Variants in ZNF292 observed in about 807,000 individuals in gnomAD.
The protein encoded by ZNF292 is zinc finger protein 292, also known as 16 zinc-finger domain protein.
A neutral mutation model predicts 217.9 loss-of-function variants in ZNF292; 26 were observed. The observed-to-expected ratio is 0.12, with a 90% CI of 0.09 to 0.17. The LOEUF is 0.17. Among genes scored for constraint, ZNF292 ranks in the 10% least tolerant of loss-of-function variants. ZNF292 has a pLI of 1.00. For synonymous variants in ZNF292, 1,257 were observed against 1,124.1 expected, an observed-to-expected ratio of 1.12 and a Z score of -2.37; for missense variants, 2,904 against 3,175.2, an observed-to-expected ratio of 0.91 and a Z score of 2.05.
intron 7 of ZNF292, among the ~76,000 whole-genome samples, chr6:87,246,255 A>C (rs1198648761): frequency 6.6e-6 from 1 of 152,238 alleles, no homozygotes; most frequent in Non-Finnish European, 1.5e-5. Context: ...ACGAACAAAA[A>C]AAGAAATTTT....
At chr6:87,184,894 G>T (rs1179641163) in intron 1 of ZNF292, among the ~76,000 whole-genome samples, 1 of 152,174 alleles carries the variant, frequency 6.6e-6, no homozygotes, top group African/African-American at 2.4e-5. Flanking sequence ...GAAAAGTCTT[G>T]TCCTAACTCT....
chr6:87,228,741 A>G lies in ZNF292; in HGVS notation c.539-4584A>G, dbSNP rs142010808. Reference sequence around the variant, plus strand: ...CTTGTCAAAGATCATTTGACCATATATGATAGGGTTTATTTCTGGACTCTT... The same window carrying G: ...CTTGTCAAAGATCATTTGACCATATGTGATAGGGTTTATTTCTGGACTCTT... On this transcript the variant is annotated intron_variant, in intron 4 of 7. Transcript: ENST00000369577. Among the ~76,000 whole-genome samples the G allele has an allele frequency of 3.6e-3, 552 of 152,276 alleles. 2 individuals carry two copies. Among genetic ancestry groups the G allele is most frequent in the African/African-American group, 0.013 (530 of 41,546 alleles).
intron 5 of ZNF292, among the ~76,000 whole-genome samples, chr6:87,234,511 A>T (rs962648391): frequency 2.6e-5 from 4 of 151,814 alleles, no homozygotes; most frequent in Non-Finnish European, 4.4e-5. Context: ...GTGAGCCAAG[A>T]TCATGCCACT....
chr6:87,259,043 A>C lies in ZNF292; in HGVS notation c.5414A>C (p.Lys1805Thr). ...LPSVNTVQNN[K>T]LPDSSPFSSF... The stretch of plus-strand genomic sequence containing the variant: ...TCAGTAAACACTGTGCAAAATAACA[A>C]ATTACCCGATTCTTCTCCGTTTTCC... Residue 1805 changes from lysine (K) to threonine (T), a missense_variant, in exon 8 of 8, where the codon AAA (lysine) becomes ACA (threonine). By Grantham distance (78) the Lys-to-Thr change is moderately conservative (BLOSUM62 -1). Around this residue, in one of 15 missense-constraint regions of ZNF292, gnomAD observed 622 missense variants for 573.1 expected, o/e 1.09. Transcript: ENST00000369577. The C allele has an allele frequency of 3.1e-6, 5 of 1,613,510 alleles. No individual in the cohort carries two copies. Among genetic ancestry groups the C allele is most frequent in the Non-Finnish European group, 3.4e-6 (4 of 1,179,686 alleles).
At position 87,234,257 on chromosome 6, in the gene ZNF292, G is replaced by A. The variant is rs1347514200; in HGVS notation, c.741+730G>A. Among the ~76,000 whole-genome samples, 5 of 152,234 alleles carry A rather than the reference G, an allele frequency of 3.3e-5. No homozygotes were observed. The East Asian group carries it at 9.7e-4, about 29-fold the overall frequency. On this transcript the variant is annotated intron_variant, in intron 5 of 7. Coordinates refer to ENST00000369577, the MANE Select transcript of ZNF292 (RefSeq NM_015021.3). ...AGGGCGTGTATATTTAAAGAATTTA[G>A]ATAAAACTATACTAGATTGGCTGGG...
chr6:87,230,066 G>A (rs1467630473), intron 4 of ZNF292, among the ~76,000 whole-genome samples: 2 of 152,204 alleles, frequency 1.3e-5, no homozygotes, highest in Non-Finnish European at 2.9e-5. Context: ...GTGATAGATT[G>A]ATGTCTGGGT....
In ZNF292 at chr6:87,254,845, G is replaced by A. The variant is rs750793355; in HGVS notation, c.1216G>A (p.Val406Met). 1 of 1,613,862 alleles carries A rather than the reference G, an allele frequency of 6.2e-7. No homozygotes were observed. Among genetic ancestry groups the A allele is most frequent in the Non-Finnish European group, 8.5e-7 (1 of 1,179,806 alleles). The change falls in exon 8 of 8, where the codon GTG becomes ATG. Residue 406 changes from valine (V) to methionine (M), a missense_variant. Physicochemically the swap from Val to Met is conservative, Grantham distance 21. Around this residue, in one of 15 missense-constraint regions of ZNF292, gnomAD observed 313 missense variants for 451.0 expected, o/e 0.69. Transcript: ENST00000369577. The stretch of plus-strand genomic sequence containing the variant: ...GCCTACAGTAGATGCGTATTATGCT[G>A]TGGAAATGTTGTATAATCAGCCAGA... ...IEPTVDAYYA[V>M]EMLYNQPDQK...
chr6:87,160,513 G>GTGTGTGTA lies in ZNF292; in HGVS notation c.168+4755_168+4756insGTGTGTAT, dbSNP rs377563820. On this transcript the variant is annotated intron_variant, in intron 1 of 7. Transcript: ENST00000369577. ...TATATGTGTGTGTGTGTGTGTGTGT[G>GTGTGTGTA]TATATATATGCAAGGACCTAGGTTT... is the stretch of plus-strand genomic sequence containing the variant. Among the ~76,000 whole-genome samples, 443 of 148,666 alleles carry GTGTGTGTA rather than the reference G, an allele frequency of 3.0e-3. 1 individual carries two copies. The highest frequency in any genetic ancestry group is 0.011 in the African/African-American group (423 of 40,040).
chr6:87,210,590 G>A (rs1166951784), intron 1 of ZNF292, among the ~76,000 whole-genome samples: 1 of 152,004 alleles, frequency 6.6e-6, no homozygotes. Context: ...GACCATCCTG[G>A]CTGACAAGGT....
chr6:87,161,443 A>AC (rs1452362343), intron 1 of ZNF292, among the ~76,000 whole-genome samples: 2 of 152,196 alleles, frequency 1.3e-5, no homozygotes, highest in Non-Finnish European at 2.9e-5. Flanking sequence ...TTTTTTTGAG[A>AC]CAGGGTCTCC....
rs376719270 is a variant in ZNF292, at chr6:87,257,108, C to G, written c.3479C>G (p.Pro1160Arg). The G allele has an allele frequency of 6.2e-7, 1 of 1,613,846 alleles. No individual in the cohort carries two copies. Among genetic ancestry groups the G allele is most frequent in the Non-Finnish European group, 8.5e-7 (1 of 1,179,834 alleles). ...NGKFVYFLPS[P>R]VNSSNPFFTS... Reference sequence around the variant, plus strand: ...AAGTTTGTTTATTTTTTGCCATCACCGGTGAACAGCTCAAATCCATTTTTT... The same window carrying G: ...AAGTTTGTTTATTTTTTGCCATCACGGGTGAACAGCTCAAATCCATTTTTT... Residue 1160 changes from proline (P) to arginine (R), a missense_variant, in exon 8 of 8, where the codon CCG becomes CGG. By Grantham distance (103) the Pro-to-Arg change is moderately radical. Coordinates refer to ENST00000369577, the MANE Select transcript of ZNF292 (RefSeq NM_015021.3).
intron 1 of ZNF292, among the ~76,000 whole-genome samples, chr6:87,171,685 C>A (rs1351169740): frequency 6.6e-6 from 1 of 152,134 alleles, no homozygotes; most frequent in Non-Finnish European, 1.5e-5. Context: ...TTTTGTACAT[C>A]TTCAAAGTCT....
At position 87,261,248 on chromosome 6, in the gene ZNF292, C is replaced by T. The variant is rs775308814; in HGVS notation, c.7619C>T (p.Ser2540Leu). 7 of 1,609,678 alleles carry T rather than the reference C, an allele frequency of 4.3e-6. No individual in the cohort carries two copies. In the African/African-American group the frequency reaches 5.4e-5, roughly 12 times the overall value. ...AGAGTTAATAAGGAAAAAAATGTCTCACAAAATAAAAAAAGGAAAGTTGAA... is the reference window on the plus strand; with the variant it reads ...AGAGTTAATAAGGAAAAAAATGTCTTACAAAATAAAAAAAGGAAAGTTGAA... ...LKRVNKEKNV[S>L]QNKKRKVEKA... Residue 2540 changes from serine to leucine, a missense_variant, in exon 8 of 8, where the codon TCA becomes TTA. Ser to Leu is a moderately radical substitution (Grantham distance 145, BLOSUM62 -2). Transcript: ENST00000369577.
At chr6:87,239,216 C>T (rs375261982) in intron 5 of ZNF292, among the ~76,000 whole-genome samples, 445 of 149,010 alleles carry the variant, frequency 3.0e-3, no homozygotes, top group Non-Finnish European at 5.2e-3. Context: ...GACGGGGTGG[C>T]GGCCGGGCAG....
chr6:87,214,664 C>T (rs1772652199), intron 1 of ZNF292, among the ~76,000 whole-genome samples: 1 of 152,096 alleles, frequency 6.6e-6, no homozygotes, highest in Non-Finnish European at 1.5e-5. Context: ...CTTTCTGTCT[C>T]TAGCAATCAG....
chr6:87,233,699 A>G, intron 5 of ZNF292, 172 bp downstream of exon 5: 2 of 950,284 alleles, frequency 2.1e-6, no homozygotes, highest in Non-Finnish European at 2.5e-6. Flanking sequence ...TTTTAGAATT[A>G]TATGTAAACT....
At chr6:87,253,673 A>G (rs768692134) in intron 7 of ZNF292, among the ~76,000 whole-genome samples, 14 of 152,168 alleles carry the variant, frequency 9.2e-5, no homozygotes, top group Non-Finnish European at 1.9e-4. Context: ...ATACTAAAAT[A>G]CTTTTGCCCT....
At chr6:87,163,294 A>G (rs1054753960) in intron 1 of ZNF292, among the ~76,000 whole-genome samples, 4 of 152,112 alleles carry the variant, frequency 2.6e-5, no homozygotes, top group African/African-American at 9.7e-5. Flanking sequence ...TACTAAAAAT[A>G]CAAAAAATTA....
At chr6:87,212,409 G>C (rs964177228) in intron 1 of ZNF292, among the ~76,000 whole-genome samples, 2 of 152,144 alleles carry the variant, frequency 1.3e-5, no homozygotes, top group African/African-American at 4.8e-5. Flanking sequence ...ACTGGGGGGT[G>C]GGGCTACAAG....
Sources: allele counts gnomAD v4.1 joint callset (sites outside exome capture counted in the v4.1 genomes callset), GRCh38; gene constraint gnomAD v4.1.1; regional missense constraint gnomAD v4.1.1; transcripts MANE v1.5; gene names NCBI Gene and HGNC (gene_info 2026-07-23, HGNC 2026-07-21).